OXA1L: variants seen among roughly 807,000 people sequenced by gnomAD.
OXA1L encodes OXA1L mitochondrial inner membrane insertase.
Under a neutral mutation model 52.2 loss-of-function variants are expected in OXA1L, and 42 were observed. That is an observed-to-expected ratio of 0.80 (90% CI 0.63 to 1.04). OXA1L has a LOEUF of 1.04. OXA1L is among the 50% of genes least tolerant of loss of function. The pLI is 0.00. For missense variants in OXA1L, 572 were observed against 555.0 expected (o/e 1.03, Z -0.31); for synonymous variants, 239 against 201.9 (o/e 1.18, Z -1.56).
At chr14:22,770,967 A>G (rs1004804616) in intron 7 of OXA1L, 51 bp from the exon 8 acceptor site, 1 of 1,613,330 alleles carries the variant, frequency 6.2e-7, no homozygotes, top group Non-Finnish European at 8.5e-7. Flanking sequence ...GCCACCTAGC[A>G]AGCTGACCAG....
rs1566433915 is a variant in OXA1L, at chr14:22,768,153, T to TG, written c.427dup (p.Ala143GlyfsTer52). 6.2e-7 allele frequency: 1 copy of TG among 1,613,918 alleles called. No individual in the cohort carries two copies. On this transcript the variant is annotated frameshift_variant, in exon 3 of 10. Transcript: ENST00000612549. LOFTEE classifies it high-confidence loss of function. ...GCATGTTGATCTGGGCCTACCTTGG[T>TG]GGGGGGCCATTGCTGCATGTAAGGG...
At chr14:22,769,268 T>A (rs1285983513) in intron 3 of OXA1L, among the ~76,000 whole-genome samples, 1 of 152,206 alleles carries the variant, frequency 6.6e-6, no homozygotes, top group Non-Finnish European at 1.5e-5. Context: ...TTTGTTTTGA[T>A]TTTTAGATCT....
Position 22,767,317 on chromosome 14 carries a change from G to GC in OXA1L, c.137dup (p.Cys47ValfsTer47), listed in dbSNP as rs759413748. ...GACCACACGGCTCCTATTCCCAGCA[G>GC]CCCCGTGCTGCTGTCGCCCACACTA... On this transcript the variant is annotated frameshift_variant, in exon 2 of 10. Coordinates refer to ENST00000612549, the MANE Select transcript of OXA1L (RefSeq NM_005015.5). LOFTEE classifies it high-confidence loss of function. The GC allele has an allele frequency of 6.2e-7, 1 of 1,613,774 alleles. No homozygotes were observed.
Position 22,772,744 on chromosome 14 carries a change from C to T in OXA1L, c.*1186C>T, listed in dbSNP as rs758081704. ...GGGCAAAGTGGCTCACACCTATAAT[C>T]TCAGCACTTTGGGAGGCTGAGGTGG... On this transcript the variant is annotated 3_prime_UTR_variant, in exon 10 of 10. Coordinates refer to ENST00000612549, the MANE Select transcript of OXA1L (RefSeq NM_005015.5). 6.5e-6 allele frequency: 1 copy of T among 153,678 alleles called. No individual in the cohort carries two copies. The highest frequency in any genetic ancestry group is 1.4e-5 in the Non-Finnish European group (1 of 69,114). The allele number at this position is 153,678 out of a possible 1,614,324, so 9.5% of individuals were successfully genotyped here. A position where few individuals can be genotyped will look rare whatever the true frequency, so the allele number is the denominator to read the frequency against.
chr14:22,770,700 G>T, intron 6 of OXA1L, 75 bp downstream of exon 6: 1 of 1,558,122 alleles, frequency 6.4e-7, no homozygotes, highest in South Asian at 1.1e-5. Flanking sequence ...GTACAGAATG[G>T]TCATCCTTCA....
At chr14:22,766,892 G>T in intron 1 of OXA1L, 128 bp downstream of exon 1, 1 of 1,539,648 alleles carries the variant, frequency 6.5e-7, no homozygotes, top group South Asian at 1.2e-5. Flanking sequence ...TCATGACCTC[G>T]GGTCATGTGA....
chr14:22,768,491 A>G, intron 3 of OXA1L: 7 of 331,096 alleles, frequency 2.1e-5, no homozygotes, highest in South Asian at 6.7e-5. Context: ...TAAACCCCTA[A>G]ATTGGGAAGC....
At position 22,767,424 on chromosome 14, in the gene OXA1L, G is replaced by T. The variant is rs2038418852; in HGVS notation, c.225+15G>T. The T allele has an allele frequency of 6.3e-7, 1 of 1,583,508 alleles. No individual in the cohort carries two copies. Among genetic ancestry groups the T allele is most frequent in the Non-Finnish European group, 8.6e-7 (1 of 1,167,670 alleles). Reference sequence around the variant, plus strand: ...CAGAAGTCCAGGTAAGAGGCCTTTCGTTCCTGCAATATTAGGAGTGGTGTT... The same window carrying T: ...CAGAAGTCCAGGTAAGAGGCCTTTCTTTCCTGCAATATTAGGAGTGGTGTT... On this transcript the variant is annotated intron_variant, in intron 2 of 9. Coordinates refer to ENST00000612549, the MANE Select transcript of OXA1L (RefSeq NM_005015.5).
Position 22,769,870 on chromosome 14 carries a change from G to GCC in OXA1L, c.520_521dup (p.Glu175GlnfsTer15), listed in dbSNP as rs1250538761. On this transcript the variant is annotated frameshift_variant, in exon 4 of 10. Coordinates refer to ENST00000612549, the MANE Select transcript of OXA1L (RefSeq NM_005015.5). LOFTEE classifies it high-confidence loss of function. Reference sequence around the variant, plus strand: ...AGGCAGCCAGGATCCACAATCACTTGCCAGAGATCCAGAAGTTTTCCAGTC... The same window carrying GCC: ...AGGCAGCCAGGATCCACAATCACTTGCCCCAGAGATCCAGAAGTTTTCCAGTC... The GCC allele has an allele frequency of 1.2e-6, 2 of 1,614,032 alleles. No homozygotes were observed. The highest frequency in any genetic ancestry group is 2.7e-5 in the African/African-American group (2 of 74,904).
At chr14:22,767,442 G>A in intron 2 of OXA1L, 33 bp downstream of exon 2, 1 of 1,562,476 alleles carries the variant, frequency 6.4e-7, no homozygotes, top group Non-Finnish European at 8.7e-7. Context: ...AATATTAGGA[G>A]TGGTGTTTCC....
intron 2 of OXA1L, chr14:22,767,678 G>A: frequency 2.0e-6 from 1 of 500,878 alleles, no homozygotes; most frequent in Non-Finnish European, 3.5e-6. Context: ...CAAAAATCAT[G>A]ATAGTGATAT....
At position 22,767,294 on chromosome 14, in the gene OXA1L, C is replaced by G. The variant is rs1384069741; in HGVS notation, c.110C>G (p.Thr37Ser). ...GPSQWLGKPLTTRLLFPAAPC... is the reference protein window; with the variant it reads ...GPSQWLGKPLSTRLLFPAAPC... ...TCGCAATGGCTTGGGAAACCGCTGA[C>G]CACACGGCTCCTATTCCCAGCAGCC... The change falls in exon 2 of 10, where the codon ACC becomes AGC. Residue 37 changes from threonine to serine, a missense_variant. Coordinates refer to ENST00000612549, the MANE Select transcript of OXA1L (RefSeq NM_005015.5). 1.2e-6 allele frequency: 2 copies of G among 1,613,394 alleles called. No homozygotes were observed. Among genetic ancestry groups the G allele is most frequent in the East Asian group, 2.2e-5 (1 of 44,876 alleles).
chr14:22,771,703 C>A lies in OXA1L; in HGVS notation c.*145C>A. On this transcript the variant is annotated 3_prime_UTR_variant, in exon 10 of 10. Transcript: ENST00000612549. Reference sequence around the variant, plus strand: ...TTTTAAAAACGGATTTCATGAAACACTCTTGTACTTATGTTTATAAGAGAG... The same window carrying A: ...TTTTAAAAACGGATTTCATGAAACAATCTTGTACTTATGTTTATAAGAGAG... 1 of 841,388 alleles carries A rather than the reference C, an allele frequency of 1.2e-6. No individual in the cohort carries two copies. Among genetic ancestry groups the A allele is most frequent in the Non-Finnish European group, 1.9e-6 (1 of 523,270 alleles). 52.1% of individuals were successfully genotyped at this position (841,388 alleles called of 1,614,324 possible). A position where few individuals can be genotyped will look rare whatever the true frequency, so the allele number is the denominator to read the frequency against.
chr14:22,770,368 G>T, intron 5 of OXA1L, 90 bp downstream of exon 5: 1 of 1,542,214 alleles, frequency 6.5e-7, no homozygotes, highest in South Asian at 1.1e-5. Flanking sequence ...CCAAAAAACA[G>T]GTGGTGGTGG....
intron 8 of OXA1L, 27 bp downstream of exon 8, chr14:22,771,207 G>A: frequency 6.2e-7 from 1 of 1,613,430 alleles, no homozygotes; most frequent in Non-Finnish European, 8.5e-7. Flanking sequence ...TGTGAAAAAG[G>A]ACTAGGGAAA....
In OXA1L at chr14:22,771,617, A is replaced by G; in HGVS notation, c.*59A>G. 2.6e-6 allele frequency: 4 copies of G among 1,559,844 alleles called. No individual in the cohort carries two copies. The highest frequency in any genetic ancestry group is 3.5e-6 in the Non-Finnish European group (4 of 1,131,960). On this transcript the variant is annotated 3_prime_UTR_variant, in exon 10 of 10. Transcript: ENST00000612549. Reference sequence around the variant, plus strand: ...GTCTCTTCAGAGACTCATCCTCAAAACAAGACTTGACACTGTGTCCTTGCC... The same window carrying G: ...GTCTCTTCAGAGACTCATCCTCAAAGCAAGACTTGACACTGTGTCCTTGCC...
In OXA1L at chr14:22,772,431, G is replaced by A. The variant is rs1373492117; in HGVS notation, c.*873G>A. 2 of 142,480 alleles carry A rather than the reference G, an allele frequency of 1.4e-5. No homozygotes were observed. The highest frequency in any genetic ancestry group is 3.0e-5 in the Non-Finnish European group (2 of 66,668). 8.8% of individuals were successfully genotyped at this position (142,480 alleles called of 1,614,324 possible). ...GTGAACCCAGGAGGCAGAGCTTGCA[G>A]TGAGCCGAGATTGCGCCACTGCACT... is the stretch of plus-strand genomic sequence containing the variant. On this transcript the variant is annotated 3_prime_UTR_variant, in exon 10 of 10. Transcript: ENST00000612549.
At position 22,772,289 on chromosome 14, in the gene OXA1L, C is replaced by G. The variant is rs191898890; in HGVS notation, c.*731C>G. 10 of 149,350 alleles carry G rather than the reference C, an allele frequency of 6.7e-5. No individual in the cohort carries two copies. The highest frequency in any genetic ancestry group is 2.5e-4 in the African/African-American group (10 of 40,486). The allele number at this position is 149,350 out of a possible 1,614,324, so 9.3% of individuals were successfully genotyped here. On this transcript the variant is annotated 3_prime_UTR_variant, in exon 10 of 10. Transcript: ENST00000612549. ...CACGAAGTCAGCAGATCGAGACCAT[C>G]CTGGCCAACATGGTGAAACCCCGTC...
Position 22,769,855 on chromosome 14 carries a change from G to T in OXA1L, c.504G>T (p.Arg168Ser). Residue 168 changes from arginine to serine, a missense_variant, in exon 4 of 10, where the codon AGG (arginine) becomes AGT (serine). Arg to Ser is a moderately radical substitution (Grantham distance 110). This residue lies in a region of OXA1L where 132 missense variants were observed against 124.0 expected (regional missense o/e 1.06). Transcript: ENST00000612549. ...TGACGGGCCAGCGAGAGGCAGCCAG[G>T]ATCCACAATCACTTGCCAGAGATCC... is the stretch of plus-strand genomic sequence containing the variant. ...LIVTGQREAA[R>S]IHNHLPEIQK... The T allele has an allele frequency of 6.2e-7, 1 of 1,614,144 alleles. No individual in the cohort carries two copies. Among genetic ancestry groups the T allele is most frequent in the Non-Finnish European group, 8.5e-7 (1 of 1,180,022 alleles).
Sources: allele counts gnomAD v4.1 joint callset (sites outside exome capture counted in the v4.1 genomes callset), GRCh38; gene constraint gnomAD v4.1.1; regional missense constraint gnomAD v4.1.1; transcripts MANE v1.5; gene names NCBI Gene and HGNC (gene_info 2026-07-23, HGNC 2026-07-21).